The following ATP8A2 variants were observed in gnomAD, a reference collection of about 807,000 sequenced individuals.
ATP8A2 encodes the protein ATPase phospholipid transporting 8A2.
In ATP8A2, 100 loss-of-function variants were observed where a neutral mutation model predicts 165.6. The observed-to-expected ratio is 0.60, with a 90% CI of 0.51 to 0.71. ATP8A2 has a LOEUF of 0.71. Among genes scored for constraint, ATP8A2 ranks in the 30% least tolerant of loss-of-function variants. The pLI is 0.00. For missense variants in ATP8A2, 1,227 were observed against 1,479.5 expected (o/e 0.83, Z 2.80); for synonymous variants, 543 against 548.8 (o/e 0.99, Z 0.15).
chr13:25,683,313 T>C (rs1310232833), intron 24 of ATP8A2, among the ~76,000 whole-genome samples: 1 of 152,218 alleles, frequency 6.6e-6, no homozygotes, highest in Non-Finnish European at 1.5e-5. Flanking sequence ...ACATCACCAC[T>C]GTCCCTGTGG....
At chr13:25,525,364 C>T (rs998963025) in intron 2 of ATP8A2, among the ~76,000 whole-genome samples, 1 of 152,102 alleles carries the variant, frequency 6.6e-6, no homozygotes, top group African/African-American at 2.4e-5. Context: ...TTAGAGTATT[C>T]TGGGTATGTC....
At chr13:25,976,120 G>C (rs951575467) in intron 35 of ATP8A2, among the ~76,000 whole-genome samples, 1 of 152,062 alleles carries the variant, frequency 6.6e-6, no homozygotes, top group African/African-American at 2.4e-5. Context: ...TTAAGATACA[G>C]AGTCCCATTA....
intron 34 of ATP8A2, among the ~76,000 whole-genome samples, chr13:25,966,029 GAAAAA>G (rs61635155): frequency 7.5e-6 from 1 of 133,556 alleles, no homozygotes; most frequent in Non-Finnish European, 1.6e-5. Flanking sequence ...AAGAGTTTCA[GAAAAA>G]AAAAAAAAAA....
intron 24 of ATP8A2, among the ~76,000 whole-genome samples, chr13:25,608,052 A>G (rs1342857211): frequency 1.3e-5 from 2 of 152,206 alleles, no homozygotes; most frequent in Non-Finnish European, 2.9e-5. Flanking sequence ...GAATTAGTCT[A>G]TTTTGTGTTG....
At chr13:25,730,547 A>G (rs1332512773) in intron 25 of ATP8A2, among the ~76,000 whole-genome samples, 3 of 152,174 alleles carry the variant, frequency 2.0e-5, no homozygotes, top group Non-Finnish European at 4.4e-5. Context: ...AAGTGGCATG[A>G]TATCTGTCAC....
Position 25,590,762 on chromosome 13 carries a change from G to A in ATP8A2, c.2211+1063G>A, listed in dbSNP as rs560044084. On this transcript the variant is annotated intron_variant, in intron 24 of 36. Coordinates refer to ENST00000381655, the MANE Select transcript of ATP8A2 (RefSeq NM_016529.6). ...TACTCTTTTAAAGGGAGGCAATAAA[G>A]TACAGAGCTTTCTATACTTGCAAAT... Among the ~76,000 whole-genome samples, 224 of 152,250 alleles carry A rather than the reference G, an allele frequency of 1.5e-3. 5 individuals carry two copies. The Middle Eastern group carries it at 0.024, about 16-fold the overall frequency.
chr13:25,741,921 C>T lies in ATP8A2; in HGVS notation c.2385-27125C>T, dbSNP rs9581442. On this transcript the variant is annotated intron_variant, in intron 25 of 36. Transcript: ENST00000381655. ...GTGCCACTCCTCCCTTTGACATCTT[C>T]GTTGTAGAGTTTCAGGAGGTGCAAA... 6.2e-3 allele frequency among the ~76,000 whole-genome samples: 943 copies of T among 152,296 alleles called. 13 individuals carry two copies. The highest frequency in any genetic ancestry group is 0.019 in the African/African-American group (806 of 41,562).
intron 24 of ATP8A2, among the ~76,000 whole-genome samples, chr13:25,632,470 A>G (rs778883329): frequency 6.6e-6 from 1 of 152,172 alleles, no homozygotes; most frequent in African/African-American, 2.4e-5. Context: ...TTAACATGCG[A>G]AAGACATCAC....
intron 25 of ATP8A2, among the ~76,000 whole-genome samples, chr13:25,700,098 T>G (rs1424841089): frequency 6.6e-6 from 1 of 152,138 alleles, no homozygotes; most frequent in African/African-American, 2.4e-5. Flanking sequence ...GAGGACAAAT[T>G]CAAATGTGTT....
At chr13:25,393,644 G>T (rs2033324480) in intron 1 of ATP8A2, among the ~76,000 whole-genome samples, 1 of 152,172 alleles carries the variant, frequency 6.6e-6, no homozygotes, top group African/African-American at 2.4e-5. Context: ...TTGAACTCCT[G>T]ACCTCAGGTG....
At chr13:25,899,972 C>G (rs1953685191) in intron 33 of ATP8A2, among the ~76,000 whole-genome samples, 1 of 152,072 alleles carries the variant, frequency 6.6e-6, no homozygotes, top group African/African-American at 2.4e-5. Flanking sequence ...GGACATGAGG[C>G]ACACAGCTGT....
In ATP8A2 at chr13:26,012,543, C is replaced by G; in HGVS notation, c.3390C>G (p.Arg1130=). ...RDSNGKRLNE[R]DRLIKRLGRK... is the part of the protein sequence containing the mutation. Reference sequence around the variant, plus strand: ...GCTTTATCCGCAGGCTGAACGAGCGCGACCGCCTGATCAAGAGGCTGGGCC... The same window carrying G: ...GCTTTATCCGCAGGCTGAACGAGCGGGACCGCCTGATCAAGAGGCTGGGCC... Residue 1130 remains arginine, a synonymous_variant, in exon 36 of 37, where the codon CGC becomes CGG. Transcript: ENST00000381655. 6.5e-7 allele frequency: 1 copy of G among 1,539,420 alleles called. No individual in the cohort carries two copies. The highest frequency in any genetic ancestry group is 8.8e-7 in the Non-Finnish European group (1 of 1,141,878).
intron 7 of ATP8A2, among the ~76,000 whole-genome samples, chr13:25,538,732 G>C (rs1284941976): frequency 2.0e-5 from 3 of 152,120 alleles, no homozygotes; most frequent in African/African-American, 7.2e-5. Flanking sequence ...GTGACGTTAG[G>C]ACTATAACTT....
At chr13:25,854,218 C>A (rs1161867170) in intron 30 of ATP8A2, among the ~76,000 whole-genome samples, 1 of 152,164 alleles carries the variant, frequency 6.6e-6, no homozygotes, top group Non-Finnish European at 1.5e-5. Context: ...TTCATATGAC[C>A]AGAACCAGTC....
intron 33 of ATP8A2, among the ~76,000 whole-genome samples, chr13:25,884,428 C>T (rs996216958): frequency 7.9e-5 from 12 of 152,172 alleles, no homozygotes; most frequent in African/African-American, 2.7e-4. Context: ...GCAGATCCCC[C>T]GCTTCTGCTC....
chr13:25,430,304 G>A (rs1336035645), intron 1 of ATP8A2, among the ~76,000 whole-genome samples: 13 of 152,120 alleles, frequency 8.5e-5, no homozygotes, highest in Non-Finnish European at 1.0e-4. Context: ...ATGGACATGG[G>A]GGGGCCCGTG....
chr13:25,841,392 G>A (rs1171890448), intron 30 of ATP8A2, among the ~76,000 whole-genome samples: 1 of 152,066 alleles, frequency 6.6e-6, no homozygotes, highest in Non-Finnish European at 1.5e-5. Context: ...TTATTTCATT[G>A]TATTTATTGA....
intron 2 of ATP8A2, among the ~76,000 whole-genome samples, chr13:25,487,519 C>T (rs750848576): frequency 7.2e-5 from 11 of 152,280 alleles, no homozygotes; most frequent in Non-Finnish European, 1.5e-4. Flanking sequence ...CTTTAAACAG[C>T]ACCTCACTGA....
At chr13:25,713,631 A>G (rs552129740) in intron 25 of ATP8A2, among the ~76,000 whole-genome samples, 1 of 152,336 alleles carries the variant, frequency 6.6e-6, no homozygotes, top group East Asian at 1.9e-4. Context: ...AGGCGATTCT[A>G]GTCAATTCAC....
Sources: allele counts gnomAD v4.1 joint callset (sites outside exome capture counted in the v4.1 genomes callset), GRCh38; gene constraint gnomAD v4.1.1; transcripts MANE v1.5; gene names NCBI Gene and HGNC (gene_info 2026-07-23, HGNC 2026-07-21).